The following ANKRD30A variants were observed in gnomAD, a reference collection of about 807,000 sequenced individuals.
ANKRD30A encodes ankyrin repeat domain-containing protein 30A.
ANKRD30A carries 170 observed loss-of-function variants against 166.3 expected under a neutral mutation model. That is an observed-to-expected ratio of 1.02 (90% CI 0.90 to 1.16). The LOEUF is 1.16. Among genes scored for constraint, ANKRD30A ranks in the 50% most tolerant of loss-of-function variants. The probability of loss-of-function intolerance (pLI) is 0.00; values close to 1 mark genes in which losing one functional copy is unlikely to be tolerated. For missense variants in ANKRD30A, 1,630 were observed against 1,518.0 expected (o/e 1.07, Z -1.23); for synonymous variants, 564 against 508.9 (o/e 1.11, Z -1.46).
the ANKRD30A span, chr10:37,264,675 T>G: frequency 4.7e-6 from 1 of 213,008 alleles, no homozygotes; most frequent in Non-Finnish European, 9.8e-6. Flanking sequence ...TTCTGTGTCT[T>G]GTGATAACAA....
the ANKRD30A span, among the ~76,000 whole-genome samples, chr10:37,251,839 G>C: frequency 6.6e-6 from 1 of 152,168 alleles, no homozygotes; most frequent in East Asian, 1.9e-4. Flanking sequence ...GTTTGTGATA[G>C]TTCATTTTAA....
At chr10:37,234,186 T>C (rs1249723409), downstream of ANKRD30A, among the ~76,000 whole-genome samples, 4 of 152,200 alleles carry the variant, frequency 2.6e-5, no homozygotes, top group African/African-American at 7.2e-5. Flanking sequence ...CTTAACACTA[T>C]TATAGCTATC....
chr10:37,145,041 T>C lies in ANKRD30A; in HGVS notation c.1440T>C (p.Tyr480=). The C allele has an allele frequency of 6.3e-7, 1 of 1,596,980 alleles. No individual in the cohort carries two copies. Among genetic ancestry groups the C allele is most frequent in the Non-Finnish European group, 8.5e-7 (1 of 1,171,610 alleles). The part of the protein sequence containing the change: ...SESKQEEDEE[Y]SCDSRSLFES... ...CCAAACAAGAGGAAGATGAAGAATA[T>C]TCTTGTGATTCTCGGGTATTGTGTA... is the stretch of plus-strand genomic sequence containing the variant. Residue 480 remains tyrosine (Y), a synonymous_variant, in exon 8 of 36, where the codon TAT becomes TAC. Coordinates refer to ENST00000361713, the MANE Select transcript of ANKRD30A (RefSeq NM_052997.3).
At chr10:37,264,506 C>A in the ANKRD30A span, 2 of 319,054 alleles carry the variant, frequency 6.3e-6, no homozygotes, top group South Asian at 6.8e-5. Context: ...GAAGCCCTGT[C>A]TGAGTGACTG....
chr10:37,254,788 A>G, the ANKRD30A span, among the ~76,000 whole-genome samples: 1 of 147,934 alleles, frequency 6.8e-6, no homozygotes, highest in African/African-American at 2.5e-5. Flanking sequence ...GGTTCACACC[A>G]TTCTCCTGCC....
In ANKRD30A at chr10:37,229,033, G is replaced by A. The variant is rs562818926; in HGVS notation, c.4186-2428G>A. Among the ~76,000 whole-genome samples the A allele has an allele frequency of 1.2e-3, 183 of 152,082 alleles. 1 individual carries two copies. Among genetic ancestry groups the A allele is most frequent in the African/African-American group, 4.3e-3 (179 of 41,518 alleles). ...AAAGACTGGGAAACTACAGTAATCTGAAGGTTTGCTCAGCTATATGTCTTG... is the reference window on the plus strand; with the variant it reads ...AAAGACTGGGAAACTACAGTAATCTAAAGGTTTGCTCAGCTATATGTCTTG... On this transcript the variant is annotated intron_variant, in intron 34 of 35. Transcript: ENST00000361713.
At chr10:37,146,796 G>A (rs1837540566) in intron 8 of ANKRD30A, among the ~76,000 whole-genome samples, 1 of 152,134 alleles carries the variant, frequency 6.6e-6, no homozygotes. Flanking sequence ...AAGATTATAT[G>A]AGTAAACAAG....
chr10:37,254,745 T>C, the ANKRD30A span, among the ~76,000 whole-genome samples: 1 of 149,632 alleles, frequency 6.7e-6, no homozygotes, highest in Admixed American at 6.7e-5. Flanking sequence ...GTGTGGTGAC[T>C]TGATCTCAGC....
chr10:37,227,114 G>T (rs1465666678), intron 34 of ANKRD30A, among the ~76,000 whole-genome samples: 1 of 151,718 alleles, frequency 6.6e-6, no homozygotes, highest in Non-Finnish European at 1.5e-5. Context: ...CTCAGTGCTT[G>T]CCTTTTTACT....
At chr10:37,247,727 A>C in the ANKRD30A span, among the ~76,000 whole-genome samples, 1 of 151,292 alleles carries the variant, frequency 6.6e-6, no homozygotes, top group Non-Finnish European at 1.5e-5. Flanking sequence ...AAAAAAAAAA[A>C]AAAAATTAGC....
In ANKRD30A at chr10:37,158,344, T is replaced by A. The variant is rs752130375; in HGVS notation, c.1799-48T>A. On this transcript the variant is annotated intron_variant, in intron 13 of 35. Coordinates refer to ENST00000361713, the MANE Select transcript of ANKRD30A (RefSeq NM_052997.3). ...CACACTGTGTGAATGTTCGGTAGGC[T>A]TTGTCAGGCTTGCATATAATCAATT... 1.9e-6 allele frequency: 3 copies of A among 1,583,842 alleles called. No individual in the cohort carries two copies. In the East Asian group the frequency reaches 6.7e-5, roughly 35 times the overall value.
intron 18 of ANKRD30A, 37 bp downstream of exon 18, chr10:37,165,192 T>C (rs781112944): frequency 1.3e-6 from 2 of 1,538,480 alleles, no homozygotes; most frequent in Admixed American, 1.7e-5. Context: ...ATATTAGTAT[T>C]GCATGATATG....
intron 15 of ANKRD30A, among the ~76,000 whole-genome samples, chr10:37,160,531 A>C (rs1399915697): frequency 6.6e-6 from 1 of 152,208 alleles, no homozygotes; most frequent in Non-Finnish European, 1.5e-5. Flanking sequence ...TAAGGTTCTA[A>C]AGTGCCAAAT....
At chr10:37,230,028 G>A (rs543564702) in intron 34 of ANKRD30A, among the ~76,000 whole-genome samples, 1 of 151,862 alleles carries the variant, frequency 6.6e-6, no homozygotes, top group African/African-American at 2.4e-5. Flanking sequence ...TTAGACACAA[G>A]CAGAAACTCA....
intron 11 of ANKRD30A, among the ~76,000 whole-genome samples, chr10:37,151,848 G>A (rs1837962111): frequency 6.6e-6 from 1 of 152,006 alleles, no homozygotes; most frequent in African/African-American, 2.4e-5. Flanking sequence ...CTATTTTTCT[G>A]CATTGTAATG....
In ANKRD30A at chr10:37,216,372, G is replaced by C. The variant is rs776348705; in HGVS notation, c.3061G>C (p.Glu1021Gln). 1 of 1,605,606 alleles carries C rather than the reference G, an allele frequency of 6.2e-7. No homozygotes were observed. The highest frequency in any genetic ancestry group is 1.1e-5 in the South Asian group (1 of 90,338). Residue 1021 changes from glutamate (E) to glutamine (Q), a missense_variant, in exon 32 of 36, where the codon GAA (glutamate) becomes CAA (glutamine). Transcript: ENST00000361713. ...GTTAGAGAACCAAAAAGTTAAATGGGAACAAGAGCTCTGCAGTGTGAGGTG... is the reference window on the plus strand; with the variant it reads ...GTTAGAGAACCAAAAAGTTAAATGGCAACAAGAGCTCTGCAGTGTGAGGTG... The part of the protein sequence containing the change: ...SQLENQKVKW[E>Q]QELCSVRLTL...
chr10:37,155,889 G>A (rs539146747), intron 13 of ANKRD30A, among the ~76,000 whole-genome samples: 45 of 152,122 alleles, frequency 3.0e-4, no homozygotes, highest in African/African-American at 1.0e-3. Context: ...AGACCATCCT[G>A]GCCAATACGG....
At position 37,221,522 on chromosome 10, in the gene ANKRD30A, A is replaced by G. The variant is rs116662505; in HGVS notation, c.4185+1625A>G. Among the ~76,000 whole-genome samples, 194 of 151,488 alleles carry G rather than the reference A, an allele frequency of 1.3e-3. 6 individuals carry two copies. In the East Asian group the frequency reaches 0.03, roughly 23 times the overall value. ...CAACAGTGAATCTATAGCTGGTTAA[A>G]TAATATAAATTGTTTTATGATACTA... On this transcript the variant is annotated intron_variant, in intron 34 of 35. Transcript: ENST00000361713.
chr10:37,161,159 T>C (rs932282354), intron 15 of ANKRD30A, among the ~76,000 whole-genome samples: 4 of 152,196 alleles, frequency 2.6e-5, no homozygotes, highest in African/African-American at 7.2e-5. Context: ...ATGCTGATGC[T>C]GGTGGTCCTT....
Sources: gnomAD v4.1 joint callset for allele counts (sites outside exome capture counted in the v4.1 genomes callset) on GRCh38, gnomAD v4.1.1 for gene constraint, MANE v1.5 for transcripts, NCBI Gene and HGNC (gene_info 2026-07-23, HGNC 2026-07-21) for gene names.